TFCP2: variants seen among roughly 807,000 people sequenced by gnomAD.
TFCP2 encodes alpha-globin transcription factor CP2.
A neutral mutation model predicts 73.4 loss-of-function variants in TFCP2; 33 were observed. That is an observed-to-expected ratio of 0.45 (90% CI 0.34 to 0.60). TFCP2 has a LOEUF of 0.60. Among genes scored for constraint, TFCP2 ranks in the 20% least tolerant of loss-of-function variants. The probability of loss-of-function intolerance (pLI) is 0.01; values close to 1 mark genes in which losing one functional copy is unlikely to be tolerated. For synonymous variants in TFCP2, 193 were observed against 211.6 expected, an observed-to-expected ratio of 0.91 and a Z score of 0.76; for missense variants, 352 against 604.0, an observed-to-expected ratio of 0.58 and a Z score of 4.37.
chr12:51,156,740 T>C (rs1941545322), intron 1 of TFCP2: 1 of 152,246 alleles, frequency 6.6e-6, no homozygotes, highest in Admixed American at 6.5e-5. Flanking sequence ...CTATGAGTTA[T>C]GAGACTATTT....
intron 1 of TFCP2, among the ~76,000 whole-genome samples, chr12:51,149,440 T>C (rs1399197655): frequency 1.3e-5 from 2 of 151,194 alleles, no homozygotes; most frequent in African/African-American, 2.4e-5. Context: ...AAGGAAGGAA[T>C]GGCAGCACTG....
intron 1 of TFCP2, among the ~76,000 whole-genome samples, chr12:51,129,952 C>T (rs1475205537): frequency 2.0e-5 from 3 of 148,824 alleles, no homozygotes; most frequent in African/African-American, 7.4e-5. Flanking sequence ...AGTTTGAGAC[C>T]AGCCTGGGTA....
intron 3 of TFCP2, among the ~76,000 whole-genome samples, chr12:51,116,635 T>TG (rs1940534240): frequency 1.3e-5 from 2 of 150,716 alleles, no homozygotes; most frequent in South Asian, 4.2e-4. Context: ...TTTTTTTTTT[T>TG]GAAACAGATT....
intron 1 of TFCP2, among the ~76,000 whole-genome samples, chr12:51,122,253 C>CTTTTTTTTTTTTTTTTTTTTTT (rs11347975): frequency 4.1e-5 from 3 of 73,180 alleles, no homozygotes; most frequent in Non-Finnish European, 5.1e-5. Context: ...TTTTTCTTTT[C>CTTTTTTTTTTTTTTTTTTTTTT]TTTTTTTTTT....
At chr12:51,096,181 C>T (rs1939962327) in intron 13 of TFCP2, 141 bp from the exon 14 acceptor site, 4 of 632,818 alleles carry the variant, frequency 6.3e-6, no homozygotes, top group Non-Finnish European at 1.1e-5. Context: ...TCTTGAATAT[C>T]TAGGATCATA....
intron 1 of TFCP2, among the ~76,000 whole-genome samples, chr12:51,129,938 C>T (rs1228890859): frequency 2.0e-5 from 3 of 151,324 alleles, no homozygotes; most frequent in African/African-American, 7.3e-5. Context: ...TGCTTGAGAC[C>T]AGTAGTTTGA....
chr12:51,158,005 C>G (rs1307949929), intron 1 of TFCP2, among the ~76,000 whole-genome samples: 2 of 151,516 alleles, frequency 1.3e-5, no homozygotes, highest in African/African-American at 4.9e-5. Context: ...CCACTATAAT[C>G]TTAATTTTTT....
chr12:51,117,958 CA>C (rs1445697625), intron 2 of TFCP2, among the ~76,000 whole-genome samples: 1 of 152,156 alleles, frequency 6.6e-6, no homozygotes, highest in African/African-American at 2.4e-5. Context: ...AAGGTATTAT[CA>C]ATCCCATTTT....
At chr12:51,122,259 T>C (rs868478784) in intron 1 of TFCP2, among the ~76,000 whole-genome samples, 27 of 138,232 alleles carry the variant, frequency 2.0e-4, no homozygotes, top group Non-Finnish European at 2.5e-4. Context: ...TTTTCTTTTT[T>C]TTTTTTTTTT....
At chr12:51,154,752 C>G (rs748624193) in intron 1 of TFCP2, among the ~76,000 whole-genome samples, 3 of 152,118 alleles carry the variant, frequency 2.0e-5, no homozygotes, top group Non-Finnish European at 2.9e-5. Flanking sequence ...TTGTACTATA[C>G]TCACCTATTT....
intron 1 of TFCP2, among the ~76,000 whole-genome samples, chr12:51,160,521 C>CA (rs1331453977): frequency 6.6e-6 from 1 of 151,896 alleles, no homozygotes; most frequent in Non-Finnish European, 1.5e-5. Context: ...CTGGCACTTA[C>CA]AAAGGGTTCT....
Position 51,124,588 on chromosome 12 carries a change from G to A in TFCP2, c.123-5816C>T, listed in dbSNP as rs576588693. ...AGGTGCAGGCAGGGTGGGCCCTCAT[G>A]GGGCAGCCGGAGGAGCGGACTGCCC... is the stretch of plus-strand genomic sequence containing the variant. On this transcript the variant is annotated intron_variant, in intron 1 of 14. Transcript: ENST00000257915. 2.4e-5 allele frequency: 12 copies of A among 504,304 alleles called. No homozygotes were observed. The Admixed American group carries it at 2.7e-4, about 12-fold the overall frequency. 31.2% of individuals were successfully genotyped at this position (504,304 alleles called of 1,614,324 possible).
chr12:51,120,177 CAAAAAAAAA>C (rs33982936), intron 1 of TFCP2, among the ~76,000 whole-genome samples: 1 of 57,306 alleles, frequency 1.7e-5, no homozygotes, highest in African/African-American at 7.2e-5. Flanking sequence ...GACTCTGTCT[CAAAAAAAAA>C]AAAAAAAAAA....
chr12:51,153,567 C>CTT (rs2137032725), intron 1 of TFCP2, among the ~76,000 whole-genome samples: 1 of 1,554 alleles, frequency 6.4e-4, no homozygotes, highest in African/African-American at 1.6e-3. Flanking sequence ...GAACTACTCA[C>CTT]TCCCCTCTCC....
At chr12:51,105,509 A>T (rs1161828061) in intron 8 of TFCP2, among the ~76,000 whole-genome samples, 1 of 152,234 alleles carries the variant, frequency 6.6e-6, no homozygotes, top group East Asian at 1.9e-4. Context: ...AAAAATTTTT[A>T]AACACAGCTC....
At position 51,104,172 on chromosome 12, in the gene TFCP2, G is replaced by A. The variant is rs1234968429; in HGVS notation, c.949C>T (p.Pro317Ser). The change falls in exon 9 of 15, where the codon CCC becomes TCC. Residue 317 changes from proline to serine, a missense_variant. Coordinates refer to ENST00000257915, the MANE Select transcript of TFCP2 (RefSeq NM_005653.5). ...AGACTTACATCTGTGACTGGAGGGG[G>A]TGGCTCTGGCTGGTGGTTTGGTGAA... is the stretch of plus-strand genomic sequence containing the variant. The part of the protein sequence containing the change: ...NGSPNHQPEP[P>S]PPVTDNLLPT... 6.2e-7 allele frequency: 1 copy of A among 1,614,116 alleles called. No homozygotes were observed. Among genetic ancestry groups the A allele is most frequent in the Non-Finnish European group, 8.5e-7 (1 of 1,180,012 alleles).
intron 1 of TFCP2, among the ~76,000 whole-genome samples, chr12:51,168,002 A>G (rs543041819): frequency 4.7e-4 from 72 of 152,130 alleles, no homozygotes; most frequent in African/African-American, 1.7e-3. Context: ...TTGAGGCTGC[A>G]ATGAGCTACA....
chr12:51,166,857 T>TG (rs1942345559), intron 1 of TFCP2, among the ~76,000 whole-genome samples: 1 of 152,194 alleles, frequency 6.6e-6, no homozygotes, highest in Non-Finnish European at 1.5e-5. Flanking sequence ...ATCATCATAG[T>TG]GATTGGCTTG....
intron 3 of TFCP2, among the ~76,000 whole-genome samples, chr12:51,117,030 A>G (rs6580791): frequency 0.56 from 84,582 of 151,968 alleles, 24,366 homozygotes; most frequent in Non-Finnish European, 0.63. Context: ...GTTTCTGCAC[A>G]CCTCTTCTGT....
Sources: gnomAD v4.1 joint callset for allele counts (sites outside exome capture counted in the v4.1 genomes callset) on GRCh38, gnomAD v4.1.1 for gene constraint, MANE v1.5 for transcripts, NCBI Gene and HGNC (gene_info 2026-07-23, HGNC 2026-07-21) for gene names.